NAALADL2: variants seen among roughly 807,000 people sequenced by gnomAD.
NAALADL2 encodes the protein inactive N-acetylated-alpha-linked acidic dipeptidase-like protein 2.
A neutral mutation model predicts 87.2 loss-of-function variants in NAALADL2; 76 were observed. The ratio of observed to expected loss-of-function variants is 0.87; its 90% CI spans 0.72 to 1.05. The LOEUF (loss-of-function observed/expected upper bound fraction) is 1.05. Among genes scored for constraint, NAALADL2 ranks in the 50% least tolerant of loss-of-function variants. NAALADL2 has a pLI of 0.00. For missense variants in NAALADL2, 1,089 were observed against 945.8 expected (o/e 1.15, Z -1.99); for synonymous variants, 354 against 331.0 (o/e 1.07, Z -0.75).
chr3:175,532,898 T>C (rs1374127435), intron 9 of NAALADL2, among the ~76,000 whole-genome samples: 1 of 152,116 alleles, frequency 6.6e-6, no homozygotes, highest in Non-Finnish European at 1.5e-5. Context: ...TGGTCAAGGG[T>C]ATATCTTCTG....
chr3:175,750,546 G>A (rs997282943), intron 12 of NAALADL2, among the ~76,000 whole-genome samples: 12 of 152,180 alleles, frequency 7.9e-5, no homozygotes, highest in Admixed American at 3.3e-4. Flanking sequence ...TATCCTCTAC[G>A]ATAGTGAGGA....
intron 3 of NAALADL2, among the ~76,000 whole-genome samples, chr3:174,833,139 T>C (rs1722925988): frequency 6.6e-6 from 1 of 152,180 alleles, no homozygotes; most frequent in Admixed American, 6.5e-5. Flanking sequence ...AAATCATTTG[T>C]TATATAAGTT....
At chr3:175,546,985 C>T (rs1713445363) in intron 9 of NAALADL2, among the ~76,000 whole-genome samples, 1 of 152,076 alleles carries the variant, frequency 6.6e-6, no homozygotes, top group Non-Finnish European at 1.5e-5. Context: ...TTAAAATGGC[C>T]ATATTGCACA....
intron 2 of NAALADL2, among the ~76,000 whole-genome samples, chr3:174,586,570 A>G (rs1716748222): frequency 6.6e-6 from 1 of 152,202 alleles, no homozygotes; most frequent in Non-Finnish European, 1.5e-5. Flanking sequence ...TTCAGGAAAC[A>G]TGTAATTTAT....
intron 1 of NAALADL2, among the ~76,000 whole-genome samples, chr3:174,983,785 C>T (rs1300233773): frequency 6.6e-6 from 1 of 152,078 alleles, no homozygotes; most frequent in African/African-American, 2.4e-5. Flanking sequence ...AATATTTAGA[C>T]CATAGCAATT....
At chr3:175,300,892 G>A (rs1757003466) in intron 4 of NAALADL2, among the ~76,000 whole-genome samples, 1 of 151,880 alleles carries the variant, frequency 6.6e-6, no homozygotes, top group South Asian at 2.1e-4. Flanking sequence ...ACAGGCATGT[G>A]CCACCATGCC....
At chr3:174,834,620 T>G (rs1723121308) in intron 3 of NAALADL2, among the ~76,000 whole-genome samples, 1 of 151,908 alleles carries the variant, frequency 6.6e-6, no homozygotes. Context: ...TCAAGTTTAA[T>G]ATATAAAAAG....
At chr3:175,160,477 T>A (rs1444779293) in intron 2 of NAALADL2, among the ~76,000 whole-genome samples, 7 of 142,122 alleles carry the variant, frequency 4.9e-5, no homozygotes, top group East Asian at 4.8e-4. Flanking sequence ...CTCAGCCTCC[T>A]AAGTAACTGG....
At chr3:175,315,566 G>A (rs1414941224) in intron 4 of NAALADL2, among the ~76,000 whole-genome samples, 1 of 152,108 alleles carries the variant, frequency 6.6e-6, no homozygotes, top group Non-Finnish European at 1.5e-5. Context: ...ACAGAATATT[G>A]AAAGCTGTGT....
intron 2 of NAALADL2, among the ~76,000 whole-genome samples, chr3:174,567,489 C>G (rs1432911943): frequency 6.6e-6 from 1 of 151,280 alleles, no homozygotes; most frequent in Non-Finnish European, 1.5e-5. Context: ...TTATACCTAC[C>G]TGACTTGCAA....
intron 10 of NAALADL2, among the ~76,000 whole-genome samples, chr3:175,608,227 C>T (rs964290989): frequency 5.4e-5 from 8 of 147,866 alleles, no homozygotes; most frequent in African/African-American, 2.0e-4. Flanking sequence ...AGTCCACAAT[C>T]TGAAGTTCTA....
intron 11 of NAALADL2, among the ~76,000 whole-genome samples, chr3:175,687,494 C>T (rs911605141): frequency 1.3e-5 from 2 of 152,084 alleles, no homozygotes; most frequent in African/African-American, 4.8e-5. Context: ...TTTAATCTTC[C>T]TAACAATCTT....
chr3:175,323,829 G>A lies in NAALADL2; in HGVS notation c.940-346G>A, dbSNP rs146848993. 6.7e-3 allele frequency among the ~76,000 whole-genome samples: 1,008 copies of A among 149,458 alleles called. 7 individuals carry two copies. The highest frequency in any genetic ancestry group is 0.01 in the Admixed American group (153 of 14,930). On this transcript the variant is annotated intron_variant, in intron 4 of 13. Transcript: ENST00000454872. The stretch of plus-strand genomic sequence containing the variant: ...TCAGGCGATCGAGACCATCCTGGCT[G>A]ACACGGTGAAACCCTGTCTCTACTA...
chr3:174,926,558 C>G (rs1736068506), intron 1 of NAALADL2, among the ~76,000 whole-genome samples: 1 of 152,080 alleles, frequency 6.6e-6, no homozygotes, highest in African/African-American at 2.4e-5. Flanking sequence ...ATTCAACATT[C>G]TTAAAGAAAA....
intron 9 of NAALADL2, among the ~76,000 whole-genome samples, chr3:175,510,130 G>A (rs1730954080): frequency 6.6e-6 from 1 of 151,624 alleles, no homozygotes. Context: ...ATAGTTTACT[G>A]AGAATGATGA....
intron 2 of NAALADL2, among the ~76,000 whole-genome samples, chr3:175,194,172 C>T (rs958640346): frequency 6.6e-6 from 1 of 151,770 alleles, no homozygotes. Flanking sequence ...TTTTTAAATG[C>T]TATCATTTTC....
Position 175,098,893 on chromosome 3 carries a change from G to GTT in NAALADL2, c.545+1614_545+1615dup, listed in dbSNP as rs11301769. 3.6e-3 allele frequency among the ~76,000 whole-genome samples: 523 copies of GTT among 144,460 alleles called. 2 individuals carry two copies. Among genetic ancestry groups the GTT allele is most frequent in the African/African-American group, 0.013 (502 of 39,684 alleles). The allele number at this position is 144,460 out of a possible 152,430, so 94.8% of individuals were successfully genotyped here. Reference sequence around the variant, plus strand: ...TTTTTAATGGTAAGGACAATTATGTGTTTTTTTTTTTTTCCCTGAGCATCT... The same window carrying GTT: ...TTTTTAATGGTAAGGACAATTATGTGTTTTTTTTTTTTTTTCCCTGAGCATCT... On this transcript the variant is annotated intron_variant, in intron 2 of 13. Coordinates refer to ENST00000454872, the MANE Select transcript of NAALADL2 (RefSeq NM_207015.3).
intron 2 of NAALADL2, among the ~76,000 whole-genome samples, chr3:175,179,557 A>G (rs1046885912): frequency 1.3e-5 from 2 of 151,986 alleles, no homozygotes; most frequent in African/African-American, 4.8e-5. Context: ...TTATTTCTTC[A>G]TAATATGAAT....
intron 1 of NAALADL2, among the ~76,000 whole-genome samples, chr3:174,875,574 A>G (rs926095987): frequency 2.0e-5 from 3 of 152,120 alleles, no homozygotes; most frequent in African/African-American, 4.8e-5. Context: ...TATATTTAAA[A>G]TTGTGTAATT....
Sources: gnomAD v4.1 joint callset for allele counts (sites outside exome capture counted in the v4.1 genomes callset) on GRCh38, gnomAD v4.1.1 for gene constraint, MANE v1.5 for transcripts, NCBI Gene and HGNC (gene_info 2026-07-23, HGNC 2026-07-21) for gene names.